PLXNA4: variants seen among roughly 807,000 people sequenced by gnomAD.
PLXNA4 encodes the protein plexin-A4.
Under a neutral mutation model 191.8 loss-of-function variants are expected in PLXNA4, and 44 were observed. That is an observed-to-expected ratio of 0.23 (90% CI 0.18 to 0.29). PLXNA4 has a LOEUF of 0.29. Ranked by LOEUF, PLXNA4 falls within the 10% of genes least tolerant of loss-of-function variation. The probability of loss-of-function intolerance (pLI) is 1.00; values close to 1 mark genes in which losing one functional copy is unlikely to be tolerated. For synonymous variants in PLXNA4, 1,082 were observed against 1,009.5 expected, an observed-to-expected ratio of 1.07 and a Z score of -1.36; for missense variants, 1,800 against 2,488.8, an observed-to-expected ratio of 0.72 and a Z score of 5.89.
At chr7:132,564,951 C>A (rs1189651927) in intron 1 of PLXNA4, among the ~76,000 whole-genome samples, 2 of 151,910 alleles carry the variant, frequency 1.3e-5, no homozygotes, top group East Asian at 1.9e-4. Flanking sequence ...CTGCTGCATT[C>A]TCCTTTCCGA....
intron 3 of PLXNA4, among the ~76,000 whole-genome samples, chr7:132,345,850 A>T (rs1803225180): frequency 6.6e-6 from 1 of 151,912 alleles, no homozygotes; most frequent in Admixed American, 6.6e-5. Context: ...ATGGCACATT[A>T]CCCACCCCTC....
chr7:132,227,687 G>C, intron 6 of PLXNA4, 83 bp from the exon 7 acceptor site: 1 of 1,542,518 alleles, frequency 6.5e-7, no homozygotes, highest in Non-Finnish European at 8.9e-7. Context: ...GAAAGTGGGA[G>C]AGTGAGAGAG....
At chr7:132,441,872 A>T (rs1294328736) in intron 3 of PLXNA4, among the ~76,000 whole-genome samples, 1 of 152,230 alleles carries the variant, frequency 6.6e-6, no homozygotes, top group Admixed American at 6.5e-5. Context: ...ACTCAGCTTA[A>T]TGAGGCCAGA....
chr7:132,556,398 C>T (rs1000228759), intron 1 of PLXNA4, among the ~76,000 whole-genome samples: 5 of 152,194 alleles, frequency 3.3e-5, no homozygotes, highest in African/African-American at 1.2e-4. Context: ...GGCTGTATGG[C>T]TATTTATGTG....
At chr7:132,617,438 G>T (rs1307168945) in intron 2 of PLXNA4, among the ~76,000 whole-genome samples, 1 of 152,222 alleles carries the variant, frequency 6.6e-6, no homozygotes, top group Admixed American at 6.5e-5. Flanking sequence ...CTTCAAGCCA[G>T]AGAGTGAAAA....
In PLXNA4 at chr7:132,298,205, G is replaced by A. The variant is rs774700438; in HGVS notation, c.1389C>T (p.Pro463=). ...TCTCATACTGGAGGGCGTTGCCCCTGGGTCCATCCACCCGGATCTGTGGAG... is the reference window on the plus strand; with the variant it reads ...TCTCATACTGGAGGGCGTTGCCCCTAGGTCCATCCACCCGGATCTGTGGAG... ...GKLKKIRVDG[P]RGNALQYETV... Residue 463 remains proline (P), a synonymous_variant, in exon 4 of 32, where the codon CCC becomes CCT. Coordinates refer to ENST00000321063, the MANE Select transcript of PLXNA4 (RefSeq NM_020911.2). The A allele has an allele frequency of 6.2e-7, 1 of 1,613,700 alleles. No individual in the cohort carries two copies. Among genetic ancestry groups the A allele is most frequent in the Non-Finnish European group, 8.5e-7 (1 of 1,179,868 alleles).
intron 3 of PLXNA4, among the ~76,000 whole-genome samples, chr7:132,407,892 T>C (rs776573893): frequency 1.6e-4 from 24 of 152,174 alleles, no homozygotes; most frequent in Non-Finnish European, 2.8e-4. Flanking sequence ...ATTTCATAGC[T>C]TTCTAGTGGG....
At chr7:132,320,109 T>C (rs959706785) in intron 3 of PLXNA4, among the ~76,000 whole-genome samples, 2 of 152,232 alleles carry the variant, frequency 1.3e-5, no homozygotes, top group African/African-American at 2.4e-5. Flanking sequence ...TGGGCGCTTT[T>C]AAGATGGCAA....
At chr7:132,221,951 G>C (rs1562975192) in intron 9 of PLXNA4, among the ~76,000 whole-genome samples, 2 of 152,146 alleles carry the variant, frequency 1.3e-5, no homozygotes, top group African/African-American at 2.4e-5. Context: ...ATCTAGCAAA[G>C]GTTTTATCTA....
intron 3 of PLXNA4, among the ~76,000 whole-genome samples, chr7:132,327,652 G>C (rs1020839682): frequency 6.6e-6 from 1 of 152,170 alleles, no homozygotes; most frequent in Non-Finnish European, 1.5e-5. Context: ...CGGACACAGA[G>C]GTGAACACTG....
intron 4 of PLXNA4, among the ~76,000 whole-genome samples, chr7:132,296,129 G>T (rs1801069916): frequency 6.6e-6 from 1 of 152,154 alleles, no homozygotes; most frequent in Non-Finnish European, 1.5e-5. Context: ...ATGGTCATTT[G>T]GGTGGCAGGC....
chr7:132,132,996 T>C (rs1643999334), intron 31 of PLXNA4, 53 bp downstream of exon 31: 16 of 1,585,686 alleles, frequency 1.0e-5, no homozygotes, highest in Non-Finnish European at 1.4e-5. Flanking sequence ...CAGGGTTGTC[T>C]TCATTCTCTT....
chr7:132,495,651 C>T (rs1797982041), intron 2 of PLXNA4, among the ~76,000 whole-genome samples: 1 of 152,156 alleles, frequency 6.6e-6, no homozygotes, highest in Non-Finnish European at 1.5e-5. Flanking sequence ...AACCAGCTCT[C>T]CTGCCCTTCC....
At chr7:132,359,673 TCA>T (rs1244539563) in intron 3 of PLXNA4, among the ~76,000 whole-genome samples, 3 of 152,208 alleles carry the variant, frequency 2.0e-5, no homozygotes, top group African/African-American at 7.2e-5. Flanking sequence ...CCACAAAGAC[TCA>T]CACATCTCAA....
intron 17 of PLXNA4, among the ~76,000 whole-genome samples, chr7:132,181,896 C>T (rs1796719564): frequency 6.6e-6 from 1 of 152,196 alleles, no homozygotes; most frequent in Non-Finnish European, 1.5e-5. Context: ...GTAATTACTC[C>T]TCCATGTCTA....
intron 3 of PLXNA4, among the ~76,000 whole-genome samples, chr7:132,433,967 G>T (rs1393445844): frequency 2.0e-5 from 3 of 152,182 alleles, no homozygotes; most frequent in African/African-American, 7.2e-5. Context: ...CCTAGAGATG[G>T]ATGAACCAGT....
At chr7:132,586,445 G>A (rs1026820649) in intron 2 of PLXNA4, among the ~76,000 whole-genome samples, 7 of 152,216 alleles carry the variant, frequency 4.6e-5, no homozygotes, top group African/African-American at 1.7e-4. Context: ...TAACAGATCT[G>A]CATTTGAAAA....
intron 3 of PLXNA4, among the ~76,000 whole-genome samples, chr7:132,326,708 C>A (rs1350238096): frequency 6.6e-6 from 1 of 152,202 alleles, no homozygotes; most frequent in African/African-American, 2.4e-5. Flanking sequence ...TCTAACACAT[C>A]TCTGTGCCCT....
intron 2 of PLXNA4, among the ~76,000 whole-genome samples, chr7:132,582,812 G>C: frequency 6.6e-6 from 1 of 152,138 alleles, no homozygotes; most frequent in East Asian, 1.9e-4. Flanking sequence ...CTCTGACCTT[G>C]ACCTCATTAA....
Sources: allele counts gnomAD v4.1 joint callset (sites outside exome capture counted in the v4.1 genomes callset), GRCh38; gene constraint gnomAD v4.1.1; transcripts MANE v1.5; gene names NCBI Gene and HGNC (gene_info 2026-07-23, HGNC 2026-07-21).